The following PTPN4 variants were observed in gnomAD, a reference collection of about 807,000 sequenced individuals.
PTPN4 encodes the protein tyrosine-protein phosphatase non-receptor type 4.
Under a neutral mutation model 135.5 loss-of-function variants are expected in PTPN4, and 49 were observed. The observed-to-expected ratio is 0.36, with a 90% confidence interval of 0.29 to 0.46. The LOEUF (loss-of-function observed/expected upper bound fraction) is 0.46. Ranked by LOEUF, PTPN4 falls within the 20% of genes least tolerant of loss-of-function variation. The pLI is 1.00. For synonymous variants in PTPN4, 333 were observed against 369.9 expected (o/e 0.90, Z 1.14); for missense variants, 860 against 1,101.0 (o/e 0.78, Z 3.10).
At chr2:119,919,800 G>C (rs865859943) in intron 11 of PTPN4, among the ~76,000 whole-genome samples, 1 of 139,622 alleles carries the variant, frequency 7.2e-6, no homozygotes, top group Non-Finnish European at 1.5e-5. Flanking sequence ...CTCCAGCATG[G>C]ATGACAGAGT....
intron 1 of PTPN4, chr2:119,791,128 C>CTTTTTTTTTTTTTTTTTTTTTTTTT (rs59061193): frequency 7.8e-6 from 1 of 127,492 alleles, no homozygotes. Flanking sequence ...TCTAATTACT[C>CTTTTTTTTTTTTTTTTTTTTTTTTT]TTTTTTTTTT....
chr2:119,890,354 T>C (rs1678223552), intron 9 of PTPN4, among the ~76,000 whole-genome samples: 2 of 152,110 alleles, frequency 1.3e-5, no homozygotes, highest in Non-Finnish European at 2.9e-5. Flanking sequence ...CTCATTTTCA[T>C]TTGTATGGAG....
At position 119,902,039 on chromosome 2, in the gene PTPN4, C is replaced by A. The variant is rs373217656; in HGVS notation, c.764+1233C>A. On this transcript the variant is annotated intron_variant, in intron 10 of 26. Transcript: ENST00000263708. ...TGAAAAAATAGTGGCTGATAGTTTT[C>A]CAAAATTCATGACAGCCACCGAATC... is the stretch of plus-strand genomic sequence containing the variant. Among the ~76,000 whole-genome samples, 16 of 152,238 alleles carry A rather than the reference C, an allele frequency of 1.1e-4. No homozygotes were observed. The East Asian group carries it at 1.7e-3, about 17-fold the overall frequency.
At chr2:119,951,938 T>G in intron 18 of PTPN4, 35 bp from the exon 19 acceptor site, 7 of 1,526,958 alleles carry the variant, frequency 4.6e-6, no homozygotes, top group Non-Finnish European at 6.2e-6. Flanking sequence ...GAAAGTTGCA[T>G]GCCAATCTGA....
chr2:119,925,787 T>A (rs774792935), intron 12 of PTPN4, among the ~76,000 whole-genome samples: 1 of 152,206 alleles, frequency 6.6e-6, no homozygotes, highest in Non-Finnish European at 1.5e-5. Flanking sequence ...TCTCCACCAG[T>A]CTCTTCATGT....
Position 119,924,854 on chromosome 2 carries a change from T to C in PTPN4, c.1002-1744T>C, listed in dbSNP as rs1009717104. Among the ~76,000 whole-genome samples, 6 of 152,164 alleles carry C rather than the reference T, an allele frequency of 3.9e-5. No homozygotes were observed. The South Asian group carries it at 1.2e-3, about 32-fold the overall frequency. Reference sequence around the variant, plus strand: ...TCAGGGAAGCAGAAAGCCCTTTTGGTATTTCAAACAAAAGCAATTTAATTG... The same window carrying C: ...TCAGGGAAGCAGAAAGCCCTTTTGGCATTTCAAACAAAAGCAATTTAATTG... On this transcript the variant is annotated intron_variant, in intron 12 of 26. Transcript: ENST00000263708.
intron 18 of PTPN4, among the ~76,000 whole-genome samples, chr2:119,951,018 CA>C (rs1679204741): frequency 6.6e-6 from 1 of 152,090 alleles, no homozygotes; most frequent in Non-Finnish European, 1.5e-5. Context: ...TAATTCAAAA[CA>C]TTAGAAACAC....
intron 2 of PTPN4, among the ~76,000 whole-genome samples, chr2:119,847,577 C>T (rs986239821): frequency 3.3e-5 from 5 of 152,034 alleles, no homozygotes; most frequent in East Asian, 3.9e-4. Context: ...TCCGCCGCCT[C>T]GGCCTCCCAA....
At chr2:119,930,843 A>T (rs1242094703) in intron 13 of PTPN4, among the ~76,000 whole-genome samples, 3 of 147,454 alleles carry the variant, frequency 2.0e-5, no homozygotes, top group Non-Finnish European at 4.5e-5. Flanking sequence ...TTTTTTTTTT[A>T]GCCATACAGA....
chr2:119,940,251 T>C (rs1192884093), intron 15 of PTPN4, among the ~76,000 whole-genome samples: 1 of 152,220 alleles, frequency 6.6e-6, no homozygotes, highest in African/African-American at 2.4e-5. Flanking sequence ...CAACCTGAAG[T>C]GACATTTACT....
At chr2:119,814,067 T>A (rs1676949128) in intron 2 of PTPN4, among the ~76,000 whole-genome samples, 1 of 152,234 alleles carries the variant, frequency 6.6e-6, no homozygotes, top group East Asian at 1.9e-4. Context: ...CTTTTAAATT[T>A]GATCTATATG....
At chr2:119,963,393 C>G (rs1469482293) in intron 24 of PTPN4, among the ~76,000 whole-genome samples, 1 of 152,164 alleles carries the variant, frequency 6.6e-6, no homozygotes, top group Non-Finnish European at 1.5e-5. Flanking sequence ...ACAGTGCACC[C>G]TACTTTCTCT....
At chr2:119,923,645 T>TTAAAAAAATAACTTTTTATCAGGTA (rs1424847031) in intron 12 of PTPN4, among the ~76,000 whole-genome samples, 17 of 152,150 alleles carry the variant, frequency 1.1e-4, no homozygotes, top group East Asian at 5.8e-4. Context: ...ATAATCCTGA[T>TTAAAAAAATAACTTTTTATCAGGTA]TAAAAAAATA....
chr2:119,896,605 A>T (rs954441969), intron 9 of PTPN4, among the ~76,000 whole-genome samples: 4 of 152,162 alleles, frequency 2.6e-5, no homozygotes, highest in African/African-American at 4.8e-5. Context: ...GGATGCCTAG[A>T]TCCATTAATT....
intron 3 of PTPN4, among the ~76,000 whole-genome samples, chr2:119,863,020 G>A (rs1677783001): frequency 6.6e-6 from 1 of 151,950 alleles, no homozygotes. Context: ...TATTTATAGA[G>A]AGCTATTTCT....
chr2:119,827,665 C>T (rs190251828), intron 2 of PTPN4, among the ~76,000 whole-genome samples: 2 of 152,230 alleles, frequency 1.3e-5, no homozygotes, highest in South Asian at 2.1e-4. Flanking sequence ...ACCAGTACTT[C>T]AGATGCGTCC....
intron 2 of PTPN4, among the ~76,000 whole-genome samples, chr2:119,818,861 T>A (rs552467851): frequency 3.3e-5 from 5 of 152,198 alleles, no homozygotes; most frequent in Non-Finnish European, 7.3e-5. Context: ...ACTAAGTGAC[T>A]AAGGTGTTCA....
chr2:119,812,721 A>C (rs1676913259), intron 2 of PTPN4, among the ~76,000 whole-genome samples: 1 of 152,188 alleles, frequency 6.6e-6, no homozygotes, highest in Admixed American at 6.5e-5. Flanking sequence ...ATTCATTGTC[A>C]CTAAATGAAT....
chr2:119,936,194 G>T (rs1468236362), intron 15 of PTPN4, among the ~76,000 whole-genome samples: 1 of 152,118 alleles, frequency 6.6e-6, no homozygotes, highest in East Asian at 1.9e-4. Context: ...AGTAGAGATG[G>T]GGTTTCACCG....
Sources: allele counts gnomAD v4.1 joint callset (sites outside exome capture counted in the v4.1 genomes callset), GRCh38; gene constraint gnomAD v4.1.1; transcripts MANE v1.5; gene names NCBI Gene and HGNC (gene_info 2026-07-23, HGNC 2026-07-21).